The following RGS22 variants were observed in gnomAD, a reference collection of about 807,000 sequenced individuals.
RGS22 encodes regulator of G-protein signaling 22.
Under a neutral mutation model 172.9 loss-of-function variants are expected in RGS22, and 148 were observed. The ratio of observed to expected loss-of-function variants is 0.86; its 90% CI spans 0.75 to 0.98. The LOEUF (loss-of-function observed/expected upper bound fraction) is 0.98, where lower values mean the gene tolerates loss of function less well. Ranked by LOEUF, RGS22 falls within the 50% of genes least tolerant of loss-of-function variation. The pLI is 0.00. For synonymous variants in RGS22, 458 were observed against 480.2 expected (o/e 0.95, Z 0.60); for missense variants, 1,347 against 1,440.8 (o/e 0.93, Z 1.05).
At chr8:100,078,031 T>C (rs1811481844) in intron 4 of RGS22, among the ~76,000 whole-genome samples, 1 of 152,200 alleles carries the variant, frequency 6.6e-6, no homozygotes, top group African/African-American at 2.4e-5. Flanking sequence ...GATATCAATA[T>C]AGTCACTCCA....
intron 18 of RGS22, among the ~76,000 whole-genome samples, chr8:100,001,202 T>TTACATA (rs1554611101): frequency 8.0e-6 from 1 of 124,780 alleles, no homozygotes; most frequent in Non-Finnish European, 1.6e-5. Context: ...TCCCAATTTT[T>TTACATA]TATATATATA....
chr8:100,074,011 C>T (rs3116091), intron 4 of RGS22, among the ~76,000 whole-genome samples: 2,008 of 152,016 alleles, frequency 0.013, 57 homozygotes, highest in East Asian at 0.1. Flanking sequence ...TTAATAAATA[C>T]TTATAAGAAA....
chr8:100,010,351 T>G (rs770591149), intron 14 of RGS22, among the ~76,000 whole-genome samples: 1 of 151,828 alleles, frequency 6.6e-6, no homozygotes, highest in Non-Finnish European at 1.5e-5. Context: ...CTGGGCACGG[T>G]GGTGGGCGCC....
At chr8:100,092,682 G>T (rs1812673406) in intron 3 of RGS22, among the ~76,000 whole-genome samples, 2 of 152,100 alleles carry the variant, frequency 1.3e-5, no homozygotes, top group Non-Finnish European at 2.9e-5. Context: ...TCAACTTCCA[G>T]AACTGTGAGC....
chr8:100,087,400 T>C (rs1163623038), intron 3 of RGS22, among the ~76,000 whole-genome samples: 1 of 152,156 alleles, frequency 6.6e-6, no homozygotes, highest in Non-Finnish European at 1.5e-5. Flanking sequence ...AAGCTAACTT[T>C]GTAGTACTAG....
At chr8:100,040,197 A>G in intron 12 of RGS22, 110 bp from the exon 13 acceptor site, 1 of 952,902 alleles carries the variant, frequency 1.0e-6, no homozygotes, top group Non-Finnish European at 1.6e-6. Flanking sequence ...TTCCCACTGG[A>G]CTATTTTATT....
At chr8:100,015,069 C>T (rs568503999) in intron 14 of RGS22, among the ~76,000 whole-genome samples, 7 of 152,194 alleles carry the variant, frequency 4.6e-5, no homozygotes, top group Admixed American at 3.3e-4. Flanking sequence ...TCATCTAGCC[C>T]CAAAAATTTA....
At chr8:99,995,966 A>G (rs529669846) in intron 20 of RGS22, among the ~76,000 whole-genome samples, 85 of 152,328 alleles carry the variant, frequency 5.6e-4, no homozygotes, top group Admixed American at 4.4e-3. Flanking sequence ...TCGCAGGGAC[A>G]TGGATGAAGC....
In RGS22 at chr8:100,062,661, CATCT is replaced by C. The variant is rs1261552487; in HGVS notation, c.1440_1443del (p.Gly482HisfsTer8). The C allele has an allele frequency of 8.8e-6, 14 of 1,599,334 alleles. No individual in the cohort carries two copies. Among genetic ancestry groups the C allele is most frequent in the Non-Finnish European group, 1.0e-5 (12 of 1,171,290 alleles). The stretch of plus-strand genomic sequence containing the variant: ...AAATGCTCTTCATTCCACTGTGATC[CATCT>C]AACAGTTTAAATTTTGATAAGATTT... On this transcript the variant is annotated frameshift_variant, in exon 9 of 28. Transcript: ENST00000360863. LOFTEE classifies it high-confidence loss of function.
At chr8:100,104,300 CAGAG>C (rs985655033) in intron 2 of RGS22, among the ~76,000 whole-genome samples, 1 of 149,368 alleles carries the variant, frequency 6.7e-6, no homozygotes, top group Non-Finnish European at 1.5e-5. Flanking sequence ...GCCTGGGTGA[CAGAG>C]AGAGACCCTG....
rs1033063849 is a variant in RGS22 at position 100,059,150 on chromosome 8, C to T, written c.1514+3441G>A. 5.3e-5 allele frequency among the ~76,000 whole-genome samples: 8 copies of T among 151,528 alleles called. No individual in the cohort carries two copies. In the South Asian group the frequency reaches 1.7e-3, roughly 32 times the overall value. Reference sequence around the variant, plus strand: ...AACCAAAAAACATACAATGGATACACAAGAAATAAAAAGCAAGAAACTAAA... The same window carrying T: ...AACCAAAAAACATACAATGGATACATAAGAAATAAAAAGCAAGAAACTAAA... On this transcript the variant is annotated intron_variant, in intron 9 of 27. Coordinates refer to ENST00000360863, the MANE Select transcript of RGS22 (RefSeq NM_015668.5).
intron 2 of RGS22, among the ~76,000 whole-genome samples, chr8:100,095,285 G>A (rs1457570331): frequency 6.6e-6 from 1 of 152,188 alleles, no homozygotes; most frequent in East Asian, 1.9e-4. Context: ...CTGGGTTCAA[G>A]TGATTCTCGT....
At chr8:100,032,354 A>AG (rs1476597472) in intron 14 of RGS22, among the ~76,000 whole-genome samples, 1 of 152,126 alleles carries the variant, frequency 6.6e-6, no homozygotes, top group Non-Finnish European at 1.5e-5. Flanking sequence ...AAAAAAAAGG[A>AG]GGGGTTGCAA....
In RGS22 at chr8:100,003,964, A is replaced by G; in HGVS notation, c.2589T>C (p.Phe863=). ...TCTCAAGAAACTGACGGAAATGTTCAAACTCCAGTTTGTTGTTAAGCAGAT... is the reference window on the plus strand; with the variant it reads ...TCTCAAGAAACTGACGGAAATGTTCGAACTCCAGTTTGTTGTTAAGCAGAT... The part of the protein sequence containing the change: ...FSDLLNNKLE[F]EHFRQFLETH... Residue 863 remains phenylalanine (F), a synonymous_variant, in exon 17 of 28, where the codon TTT becomes TTC. Transcript: ENST00000360863. The G allele has an allele frequency of 6.2e-7, 1 of 1,610,658 alleles. No individual in the cohort carries two copies. The highest frequency in any genetic ancestry group is 8.5e-7 in the Non-Finnish European group (1 of 1,178,096).
intron 21 of RGS22, among the ~76,000 whole-genome samples, chr8:99,985,342 G>C (rs1209391380): frequency 6.6e-6 from 1 of 152,166 alleles, no homozygotes; most frequent in Non-Finnish European, 1.5e-5. Flanking sequence ...AGCCCTATAA[G>C]AGTTAGCTCG....
chr8:99,987,678 T>C, intron 20 of RGS22, 59 bp from the exon 21 acceptor site: 1 of 1,317,804 alleles, frequency 7.6e-7, no homozygotes, highest in Non-Finnish European at 1.0e-6. Flanking sequence ...AATTACCAAC[T>C]TCTATCTCCT....
chr8:99,992,008 G>A (rs1813785112), intron 20 of RGS22, among the ~76,000 whole-genome samples: 1 of 152,102 alleles, frequency 6.6e-6, no homozygotes, highest in Admixed American at 6.5e-5. Flanking sequence ...TTCATATCCA[G>A]CCAAACTAAG....
chr8:100,010,221 C>T (rs1328003032), intron 14 of RGS22, among the ~76,000 whole-genome samples: 1 of 152,112 alleles, frequency 6.6e-6, no homozygotes, highest in Non-Finnish European at 1.5e-5. Context: ...GGCACAGTGG[C>T]TCACACCTGT....
intron 10 of RGS22, among the ~76,000 whole-genome samples, chr8:100,052,082 T>C (rs370759166): frequency 1.2e-5 from 1 of 86,956 alleles, no homozygotes; most frequent in East Asian, 3.5e-4. Context: ...TAAATGTTTA[T>C]ATATATTTAT....
Sources: allele counts gnomAD v4.1 joint callset (sites outside exome capture counted in the v4.1 genomes callset), GRCh38; gene constraint gnomAD v4.1.1; transcripts MANE v1.5; gene names NCBI Gene and HGNC (gene_info 2026-07-23, HGNC 2026-07-21).